ZNF687: variants seen among roughly 807,000 people sequenced by gnomAD.
The protein encoded by ZNF687 is zinc finger protein 687.
A neutral mutation model predicts 71.8 loss-of-function variants in ZNF687; 13 were observed. The ratio of observed to expected loss-of-function variants is 0.18; its 90% CI spans 0.12 to 0.29. ZNF687 has a LOEUF of 0.29. Among genes scored for constraint, ZNF687 ranks in the 10% least tolerant of loss-of-function variants. The pLI is 1.00. For synonymous variants in ZNF687, 673 were observed against 641.6 expected, an observed-to-expected ratio of 1.05 and a Z score of -0.74; for missense variants, 1,412 against 1,625.6, an observed-to-expected ratio of 0.87 and a Z score of 2.26.
chr1:151,289,746 C>G lies in ZNF687; in HGVS notation c.2703C>G (p.Pro901=), dbSNP rs1694120610. 3.2e-6 allele frequency: 5 copies of G among 1,559,468 alleles called. No individual in the cohort carries two copies. Among genetic ancestry groups the G allele is most frequent in the Non-Finnish European group, 3.5e-6 (4 of 1,151,136 alleles). ...GKGAGGALLT[P]KTEPEELAVS... The stretch of plus-strand genomic sequence containing the variant: ...GGGCCGGGGGTGCCCTGCTGACCCC[C>G]AAGACTGAGCCTGAGGAGCTGGCTG... The change falls in exon 6 of 9, where the codon CCC becomes CCG. Residue 901 remains proline, a synonymous_variant. Transcript: ENST00000336715.
chr1:151,288,550 T>C lies in ZNF687; in HGVS notation c.2138T>C (p.Met713Thr). 6.2e-7 allele frequency: 1 copy of C among 1,610,574 alleles called. No individual in the cohort carries two copies. The highest frequency in any genetic ancestry group is 8.5e-7 in the Non-Finnish European group (1 of 1,177,562). The stretch of plus-strand genomic sequence containing the variant: ...CAGGTGTGCCCAACCTGCCCCATGA[T>C]GCTCCCCAATCGCTGCAGCTTCAGC... Reference protein sequence around the residue: ...TSNVCPTCPMMLPNRCSFSAH... With the variant: ...TSNVCPTCPMTLPNRCSFSAH... Residue 713 changes from methionine (M) to threonine (T), a missense_variant, in exon 3 of 9, where the codon ATG (methionine) becomes ACG (threonine). Transcript: ENST00000336715.
chr1:151,283,502 C>T (rs1368921809), intron 1 of ZNF687, among the ~76,000 whole-genome samples: 1 of 151,876 alleles, frequency 6.6e-6, no homozygotes, highest in Non-Finnish European at 1.5e-5. Context: ...GGTCGACTGT[C>T]TGCTCTGGGT....
In ZNF687 at chr1:151,291,053, C is replaced by T. The variant is rs748403569; in HGVS notation, c.3558C>T (p.Pro1186=). 1.5e-5 allele frequency: 24 copies of T among 1,613,660 alleles called. No individual in the cohort carries two copies. Among genetic ancestry groups the T allele is most frequent in the African/African-American group, 6.7e-5 (5 of 74,876 alleles). ...AGGCCCCTCCATCAAGGTCTGACCCCGATGGTGGAGACTCACCCCTGCCTG... is the reference window on the plus strand; with the variant it reads ...AGGCCCCTCCATCAAGGTCTGACCCTGATGGTGGAGACTCACCCCTGCCTG... ...EEEAPPSRSD[P]DGGDSPLPAS... The change falls in exon 9 of 9, where the codon CCC becomes CCT. Residue 1186 remains proline, a synonymous_variant. Transcript: ENST00000336715.
At chr1:151,283,017 A>C in intron 1 of ZNF687, 1 of 643,476 alleles carries the variant, frequency 1.6e-6, no homozygotes, top group Non-Finnish European at 1.9e-6. Context: ...TCCCCACCCT[A>C]TCCTGTGTAG....
rs753821516 is a variant in ZNF687 at position 151,290,522 on chromosome 1, G to A, written c.3168G>A (p.Gln1056=). The change falls in exon 8 of 9, where the codon CAG becomes CAA. Residue 1056 remains glutamine (Q), a synonymous_variant. Transcript: ENST00000336715. ...QVRHGLQLGA[Q]SPGRGTTLAR... ...GGCACGGCTTGCAGCTTGGGGCCCA[G>A]TCCCCTGGCCGGGGGACCACCTTGG... 3 of 1,613,918 alleles carry A rather than the reference G, an allele frequency of 1.9e-6. No homozygotes were observed. The Admixed American group carries it at 5.0e-5, about 27-fold the overall frequency.
rs775283853 is a variant in ZNF687, at chr1:151,288,673, C to T, written c.2261C>T (p.Ala754Val). ...AATTTTCAGACCCATCTCCGGGAGG[C>T]CTGTCTGCACGTCTCTCGCCGTGTA... is the stretch of plus-strand genomic sequence containing the variant. ...QANFQTHLRE[A>V]CLHVSRRVGY... The change falls in exon 3 of 9, where the codon GCC becomes GTC. Residue 754 changes from alanine to valine, a missense_variant. By Grantham distance (64) the Ala-to-Val change is moderately conservative. Around this residue, in one of 8 missense-constraint regions of ZNF687, gnomAD observed 207 missense variants for 239.2 expected, o/e 0.87. Coordinates refer to ENST00000336715, the MANE Select transcript of ZNF687 (RefSeq NM_020832.3). 6.2e-7 allele frequency: 1 copy of T among 1,613,956 alleles called. No individual in the cohort carries two copies. Among genetic ancestry groups the T allele is most frequent in the Admixed American group, 1.7e-5 (1 of 60,002 alleles).
intron 1 of ZNF687, chr1:151,283,712 T>G: frequency 1.8e-6 from 1 of 564,288 alleles, no homozygotes; most frequent in Non-Finnish European, 2.2e-6. Context: ...GAGCCAGGCC[T>G]ATAGAGACAA....
chr1:151,284,454 CTCTT>C (rs1234651045), intron 1 of ZNF687, among the ~76,000 whole-genome samples: 4 of 152,128 alleles, frequency 2.6e-5, no homozygotes, highest in African/African-American at 7.2e-5. Flanking sequence ...TCTGTCTCTT[CTCTT>C]TGTCTCTTTC....
chr1:151,291,652 G>A lies in ZNF687; in HGVS notation c.*443G>A, dbSNP rs761631825. The A allele has an allele frequency of 1.5e-3, 214 of 147,260 alleles. 1 individual carries two copies. Among genetic ancestry groups the A allele is most frequent in the Admixed American group, 3.5e-3 (52 of 14,970 alleles). 9.1% of individuals were successfully genotyped at this position (147,260 alleles called of 1,614,324 possible). ...TGCCCTAGTGCCCACCCCCGCCCCC[G>A]CCCCCGCCCAACCCCAACTCACTGG... On this transcript the variant is annotated 3_prime_UTR_variant, in exon 9 of 9. Coordinates refer to ENST00000336715, the MANE Select transcript of ZNF687 (RefSeq NM_020832.3).
chr1:151,284,770 A>G (rs1004444961), intron 1 of ZNF687, among the ~76,000 whole-genome samples: 1 of 147,836 alleles, frequency 6.8e-6, no homozygotes, highest in Admixed American at 6.7e-5. Context: ...CCTATGATAC[A>G]TAGATCACTT....
At position 151,287,989 on chromosome 1, in the gene ZNF687, C is replaced by T. The variant is rs150653246; in HGVS notation, c.1698C>T (p.Cys566=). ...SMRIEVTCNH[C]ARRLVFFNKC... ...GCATCGAGGTCACCTGCAACCACTG[C>T]GCCCGCCGCCTGGTCTTCTTCAACA... is the stretch of plus-strand genomic sequence containing the variant. Residue 566 remains cysteine, a synonymous_variant, in exon 2 of 9, where the codon TGC becomes TGT. Coordinates refer to ENST00000336715, the MANE Select transcript of ZNF687 (RefSeq NM_020832.3). The surrounding 1 kb of genome is among the most constrained non-coding windows in gnomAD (Gnocchi z 5.0). 4.5e-5 allele frequency: 73 copies of T among 1,613,890 alleles called. 1 individual carries two copies. The highest frequency in any genetic ancestry group is 6.7e-5 in the African/African-American group (5 of 74,914).
In ZNF687 at chr1:151,286,851, A is replaced by C. The variant is rs1291808422; in HGVS notation, c.560A>C (p.Glu187Ala). The C allele has an allele frequency of 6.2e-7, 1 of 1,613,880 alleles. No homozygotes were observed. ...CCCTCTGCACCCTCTCCCACTCGGG[A>C]GGGGGCTCTGACCCCGCCTCCTTTC... is the stretch of plus-strand genomic sequence containing the variant. The part of the protein sequence containing the change: ...LPPSAPSPTR[E>A]GALTPPPFPS... Residue 187 changes from glutamate (E) to alanine (A), a missense_variant, in exon 2 of 9, where the codon GAG (glutamate) becomes GCG (alanine). Transcript: ENST00000336715.
Position 151,289,158 on chromosome 1 carries a change from G to T in ZNF687, c.2358G>T (p.Ser786=), listed in dbSNP as rs112048270. 35 of 1,614,076 alleles carry T rather than the reference G, an allele frequency of 2.2e-5. No individual in the cohort carries two copies. Among genetic ancestry groups the T allele is most frequent in the Non-Finnish European group, 2.6e-5 (31 of 1,180,040 alleles). ...CCATCAAGTCCCACATCCAGACGTC[G>T]CACTGCGAGGTTTTCCACAAGTGCC... ...VNSIKSHIQT[S]HCEVFHKCPI... Residue 786 remains serine (S), a synonymous_variant, in exon 4 of 9, where the codon TCG becomes TCT. Transcript: ENST00000336715.
At position 151,288,285 on chromosome 1, in the gene ZNF687, C is replaced by G; in HGVS notation, c.1994C>G (p.Pro665Arg). 1 of 1,613,522 alleles carries G rather than the reference C, an allele frequency of 6.2e-7. No homozygotes were observed. The highest frequency in any genetic ancestry group is 8.5e-7 in the Non-Finnish European group (1 of 1,179,994). The change falls in exon 2 of 9, where the codon CCG (proline) becomes CGG (arginine). Residue 665 changes from proline to arginine, a missense_variant. This residue lies in a region of ZNF687 where 207 missense variants were observed against 239.2 expected (regional missense o/e 0.87). Transcript: ENST00000336715. ...LPLSTEPPAA[P>R]ATSAYTCFRC... ...CTCTCCACAGAGCCGCCTGCTGCCC[C>G]GGCCACCTCTGCTTACACATGCTTT... is the stretch of plus-strand genomic sequence containing the variant.
chr1:151,284,626 C>T (rs140417989), intron 1 of ZNF687, among the ~76,000 whole-genome samples: 144 of 152,104 alleles, frequency 9.5e-4, no homozygotes, highest in African/African-American at 3.4e-3. Flanking sequence ...CGACCCCAGC[C>T]CTAGAGTTCC....
In ZNF687 at chr1:151,286,562, T is replaced by C; in HGVS notation, c.271T>C (p.Cys91Arg). The C allele has an allele frequency of 6.2e-7, 1 of 1,614,218 alleles. No individual in the cohort carries two copies. Among genetic ancestry groups the C allele is most frequent in the Non-Finnish European group, 8.5e-7 (1 of 1,180,042 alleles). ...CAGTGTCATTGTCAAGAACACTGTG[T>C]GTCCCGAGCAGTCTGAGGCCCTGGC... The part of the protein sequence containing the change: ...VVSVIVKNTV[C>R]PEQSEALAGG... Residue 91 changes from cysteine (C) to arginine (R), a missense_variant, in exon 2 of 9, where the codon TGT becomes CGT. Physicochemically the swap from Cys to Arg is radical, Grantham distance 180. Transcript: ENST00000336715.
chr1:151,288,851 C>T, intron 3 of ZNF687, 145 bp downstream of exon 3: 1 of 1,134,372 alleles, frequency 8.8e-7, no homozygotes, highest in Non-Finnish European at 1.2e-6. Flanking sequence ...ATAGTACGTC[C>T]TGCCTTCCCG....
Position 151,286,672 on chromosome 1 carries a change from T to G in ZNF687, c.381T>G (p.Phe127Leu), listed in dbSNP as rs1693960536. 6.2e-7 allele frequency: 1 copy of G among 1,614,080 alleles called. No individual in the cohort carries two copies. Among genetic ancestry groups the G allele is most frequent in the African/African-American group, 1.3e-5 (1 of 74,930 alleles). The change falls in exon 2 of 9, where the codon TTT (phenylalanine) becomes TTG (leucine). Residue 127 changes from phenylalanine (F) to leucine (L), a missense_variant. Phe to Leu is a conservative substitution (Grantham distance 22). This residue lies in a region of ZNF687 where 490 missense variants were observed against 489.9 expected (regional missense o/e 1.00). Transcript: ENST00000336715. The stretch of plus-strand genomic sequence containing the variant: ...GGCCTCATCGAATGCAGAATGGTTT[T>G]GGGAGCCCTGAACCTTCCCTCCCAG... ...PVGPHRMQNG[F>L]GSPEPSLPGT...
At chr1:151,283,255 C>T (rs1395328835) in intron 1 of ZNF687, 1 of 985,324 alleles carries the variant, frequency 1.0e-6, no homozygotes, top group African/African-American at 1.7e-5. Flanking sequence ...CCAGCTTGGC[C>T]TCAACCTAAT....
Sources: gnomAD v4.1 joint callset for allele counts (sites outside exome capture counted in the v4.1 genomes callset) on GRCh38, gnomAD v4.1.1 for gene constraint, gnomAD v4.1.1 regional missense constraint, Gnocchi (gnomAD v3.1) non-coding constraint, MANE v1.5 for transcripts, NCBI Gene and HGNC (gene_info 2026-07-23, HGNC 2026-07-21) for gene names.